The following SLC30A9 variants were observed in gnomAD, a reference collection of about 807,000 sequenced individuals.
SLC30A9 encodes the protein solute carrier family 30 member 9.
A neutral mutation model predicts 87.5 loss-of-function variants in SLC30A9; 58 were observed. That is an observed-to-expected ratio of 0.66 (90% CI 0.54 to 0.82). The LOEUF (loss-of-function observed/expected upper bound fraction) is 0.82. SLC30A9 is among the 40% of genes least tolerant of loss of function. The pLI, the probability that SLC30A9 is intolerant of heterozygous loss-of-function variation, is 0.00. For missense variants in SLC30A9, 557 were observed against 679.1 expected, an observed-to-expected ratio of 0.82 and a Z score of 2.00; for synonymous variants, 234 against 233.0, an observed-to-expected ratio of 1.00 and a Z score of -0.04.
intron 2 of SLC30A9, among the ~76,000 whole-genome samples, chr4:42,012,421 T>C (rs1286119346): frequency 1.3e-5 from 2 of 152,162 alleles, no homozygotes; most frequent in Non-Finnish European, 2.9e-5. Context: ...AATAGGAATG[T>C]TATCATACAT....
chr4:42,066,527 T>C, intron 12 of SLC30A9, 23 bp from the exon 13 acceptor site: 1 of 1,540,014 alleles, frequency 6.5e-7, no homozygotes, highest in East Asian at 2.3e-5. Flanking sequence ...TCTGTCTTGC[T>C]GATATGAATG....
chr4:42,023,875 C>G (rs529090303), intron 6 of SLC30A9, among the ~76,000 whole-genome samples: 1 of 152,100 alleles, frequency 6.6e-6, no homozygotes, highest in African/African-American at 2.4e-5. Context: ...AGGCGAGAGA[C>G]AGCGTGTGTG....
At chr4:41,992,284 T>C (rs753985426) in intron 1 of SLC30A9, among the ~76,000 whole-genome samples, 1 of 150,930 alleles carries the variant, frequency 6.6e-6, no homozygotes, top group Non-Finnish European at 1.5e-5. Flanking sequence ...GAGGCTGCAG[T>C]GAGCCTTGAG....
chr4:41,995,758 A>G (rs944285566), intron 1 of SLC30A9, among the ~76,000 whole-genome samples: 2 of 152,308 alleles, frequency 1.3e-5, no homozygotes, highest in South Asian at 4.1e-4. Flanking sequence ...CACCCAGGCT[A>G]GAGTGCACTG....
rs771126781 is a variant in SLC30A9, at chr4:42,020,488, C to T, written c.407C>T (p.Ala136Val). The T allele has an allele frequency of 1.2e-5, 19 of 1,597,066 alleles. No homozygotes were observed. The highest frequency in any genetic ancestry group is 1.0e-4 in the South Asian group (9 of 90,168). ...TQNNFITGVR[A>V]INEFCLKSSD... ...AATAATTTCATCACTGGAGTCAGAGCGATAAATGAGTTCTGCCTCAAATCC... is the reference window on the plus strand; with the variant it reads ...AATAATTTCATCACTGGAGTCAGAGTGATAAATGAGTTCTGCCTCAAATCC... Residue 136 changes from alanine to valine, a missense_variant, in exon 4 of 18, where the codon GCG (alanine) becomes GTG (valine). Around this residue, in one of 2 missense-constraint regions of SLC30A9, gnomAD observed 467 missense variants for 529.8 expected, o/e 0.88. Transcript: ENST00000264451.
intron 6 of SLC30A9, chr4:42,030,201 C>T (rs1716366662): frequency 4.7e-6 from 2 of 426,322 alleles, no homozygotes; most frequent in South Asian, 6.8e-5. Flanking sequence ...CTTGAACAAA[C>T]TGTCATATGT....
chr4:42,033,527 G>A (rs1179641436), intron 6 of SLC30A9, among the ~76,000 whole-genome samples: 1 of 152,042 alleles, frequency 6.6e-6, no homozygotes, highest in Non-Finnish European at 1.5e-5. Context: ...GTACACATTT[G>A]TATTAAACGC....
chr4:42,070,736 T>A, intron 15 of SLC30A9, 45 bp downstream of exon 15: 1 of 1,504,030 alleles, frequency 6.6e-7, no homozygotes, highest in Non-Finnish European at 9.0e-7. Context: ...CAAAAACATA[T>A]TAAAAAACAG....
At chr4:42,027,394 A>G (rs1196000333) in intron 6 of SLC30A9, among the ~76,000 whole-genome samples, 1 of 152,022 alleles carries the variant, frequency 6.6e-6, no homozygotes, top group African/African-American at 2.4e-5. Context: ...TTGCACTGCT[A>G]CTCAGTTACA....
intron 4 of SLC30A9, among the ~76,000 whole-genome samples, chr4:42,021,307 ATT>A (rs1463168882): frequency 6.6e-6 from 1 of 152,224 alleles, no homozygotes. Context: ...GACCCAGCTC[ATT>A]TAAGTGAGTC....
chr4:42,029,314 A>G (rs113914264), intron 6 of SLC30A9: 12 of 511,778 alleles, frequency 2.3e-5, no homozygotes, highest in African/African-American at 1.8e-4. Context: ...GTTTAAGATC[A>G]TTCTATTCTA....
At chr4:42,028,308 A>T (rs1022270324) in intron 6 of SLC30A9, among the ~76,000 whole-genome samples, 1 of 152,052 alleles carries the variant, frequency 6.6e-6, no homozygotes, top group African/African-American at 2.4e-5. Context: ...TTTAGTAGAG[A>T]TGGGGTTTCA....
chr4:42,070,155 C>T (rs12643377), intron 14 of SLC30A9: 109,615 of 159,478 alleles, frequency 0.69, 40,741 homozygotes, highest in East Asian at 0.96. Flanking sequence ...GCTTTTGATT[C>T]CACTGTTATT....
intron 2 of SLC30A9, among the ~76,000 whole-genome samples, chr4:42,007,090 G>C (rs1212834881): frequency 6.6e-6 from 1 of 152,102 alleles, no homozygotes; most frequent in Non-Finnish European, 1.5e-5. Flanking sequence ...TTGCAAAGGA[G>C]GGAGATTGAA....
intron 17 of SLC30A9, chr4:42,078,911 A>G (rs1463658934): frequency 6.6e-6 from 1 of 152,204 alleles, no homozygotes; most frequent in Non-Finnish European, 1.5e-5. Flanking sequence ...TTTAATGTAT[A>G]TAATTTGTTG....
chr4:42,061,774 C>T (rs977362303), intron 10 of SLC30A9, among the ~76,000 whole-genome samples: 1 of 151,978 alleles, frequency 6.6e-6, no homozygotes. Context: ...GTGGCGCATG[C>T]CTGTAATCCC....
chr4:41,996,474 T>C (rs6811866), intron 1 of SLC30A9, among the ~76,000 whole-genome samples: 7,337 of 152,070 alleles, frequency 0.048, 249 homozygotes, highest in African/African-American at 0.077. Context: ...TAGTGGCTCA[T>C]GCCTGTAATC....
At position 42,086,177 on chromosome 4, in the gene SLC30A9, G is replaced by A. The variant is rs754416635; in HGVS notation, c.*51G>A. On this transcript the variant is annotated 3_prime_UTR_variant, in exon 18 of 18. Coordinates refer to ENST00000264451, the MANE Select transcript of SLC30A9 (RefSeq NM_006345.4). Reference sequence around the variant, plus strand: ...GGGGACCTTGGAAACAAGTTTGTCCGTCCACTCTACAAAGTTTCCTCCTCT... The same window carrying A: ...GGGGACCTTGGAAACAAGTTTGTCCATCCACTCTACAAAGTTTCCTCCTCT... 3.4e-5 allele frequency: 41 copies of A among 1,191,054 alleles called. No homozygotes were observed. The highest frequency in any genetic ancestry group is 2.6e-4 in the South Asian group (16 of 60,720). 73.8% of individuals were successfully genotyped at this position (1,191,054 alleles called of 1,614,324 possible).
chr4:42,081,832 A>T (rs1188606452), intron 17 of SLC30A9, among the ~76,000 whole-genome samples: 3 of 152,214 alleles, frequency 2.0e-5, no homozygotes, highest in Non-Finnish European at 4.4e-5. Flanking sequence ...CTATTAAATC[A>T]TTAATAATGT....
Sources: allele counts gnomAD v4.1 joint callset (sites outside exome capture counted in the v4.1 genomes callset), GRCh38; gene constraint gnomAD v4.1.1; regional missense constraint gnomAD v4.1.1; transcripts MANE v1.5; gene names NCBI Gene and HGNC (gene_info 2026-07-23, HGNC 2026-07-21).